Variants in RFX5 observed in about 807,000 individuals in gnomAD.
The protein encoded by RFX5 is DNA-binding protein RFX5.
RFX5 carries 30 observed loss-of-function variants against 41.2 expected under a neutral mutation model. The ratio of observed to expected loss-of-function variants is 0.73; its 90% CI spans 0.54 to 0.99. The LOEUF is 0.99. RFX5 is among the 50% of genes least tolerant of loss of function. The pLI, the probability that RFX5 is intolerant of heterozygous loss-of-function variation, is 0.00. For synonymous variants in RFX5, 231 were observed against 291.8 expected, an observed-to-expected ratio of 0.79 and a Z score of 2.12; for missense variants, 715 against 773.6, an observed-to-expected ratio of 0.92 and a Z score of 0.90.
rs1650418729 is a variant in RFX5, at chr1:151,341,202, A to T, written c.*984T>A. The T allele has an allele frequency of 6.6e-6, 1 of 152,218 alleles. No homozygotes were observed. 9.4% of individuals were successfully genotyped at this position (152,218 alleles called of 1,614,324 possible). On this transcript the variant is annotated 3_prime_UTR_variant, in exon 11 of 11. Coordinates refer to ENST00000452671, the MANE Select transcript of RFX5 (RefSeq NM_001025603.2). Reference sequence around the variant, plus strand: ...GCTCCATCTCTAATATGGAGGTAGAAAAAAAGGGACTATCATCTAAATGAG... The same window carrying T: ...GCTCCATCTCTAATATGGAGGTAGATAAAAAGGGACTATCATCTAAATGAG...
intron 4 of RFX5, among the ~76,000 whole-genome samples, chr1:151,345,673 G>GCTA (rs1056160398): frequency 3.9e-5 from 6 of 151,968 alleles, no homozygotes; most frequent in Admixed American, 3.3e-4. Flanking sequence ...AGCCCTATAG[G>GCTA]CTACCATGGA....
rs756714254 is a variant in RFX5, at chr1:151,342,339, A to T, written c.1698T>A (p.Ser566Arg). The T allele has an allele frequency of 7.4e-6, 12 of 1,613,718 alleles. No homozygotes were observed. Among genetic ancestry groups the T allele is most frequent in the Non-Finnish European group, 1.0e-5 (12 of 1,179,924 alleles). Reference protein sequence around the residue: ...DKIPLVPSKVSVIKGSRSQKE... With the variant: ...DKIPLVPSKVRVIKGSRSQKE... ...TTTGGCTTCTGCTGCCCTTGATGAC[A>T]CTCACTTTTGAGGGGACCAAGGGAA... Residue 566 changes from serine (S) to arginine (R), a missense_variant, in exon 11 of 11, where the codon AGT becomes AGA. Transcript: ENST00000452671.
rs372848031 is a variant in RFX5 at position 151,343,178 on chromosome 1, G to A, written c.859C>T (p.Pro287Ser). 24 of 1,611,024 alleles carry A rather than the reference G, an allele frequency of 1.5e-5. No individual in the cohort carries two copies. The highest frequency in any genetic ancestry group is 1.9e-5 in the Non-Finnish European group (23 of 1,180,028). ...AHKKPERLAQ[P>S]PKDLEARTGA... ...GTTCGGGCTTCCAGATCCTTAGGAGGCTAAAAAGTAAAGAGAGGAACACAG... is the reference window on the plus strand; with the variant it reads ...GTTCGGGCTTCCAGATCCTTAGGAGACTAAAAAGTAAAGAGAGGAACACAG... The change falls in exon 11 of 11, where the codon CCT becomes TCT. Residue 287 changes from proline to serine, a missense_variant and splice_region_variant. Physicochemically the swap from Pro to Ser is moderately conservative, Grantham distance 74. Coordinates refer to ENST00000452671, the MANE Select transcript of RFX5 (RefSeq NM_001025603.2).
intron 8 of RFX5, 108 bp downstream of exon 8, chr1:151,344,089 A>G (rs1272947939): frequency 8.3e-7 from 1 of 1,206,188 alleles, no homozygotes; most frequent in East Asian, 2.3e-5. Flanking sequence ...CATACCTAGA[A>G]GCTATGTACA....
At chr1:151,343,568 G>T in intron 9 of RFX5, 113 bp downstream of exon 9, 1 of 1,412,450 alleles carries the variant, frequency 7.1e-7, no homozygotes. Context: ...TGTCTTAGAA[G>T]GGTCTCCAGG....
rs778736083 is a variant in RFX5 at position 151,342,958 on chromosome 1, A to G, written c.1079T>C (p.Leu360Pro). ...ILAPRLSSGA[L>P]KVATLPLSSR... Reference sequence around the variant, plus strand: ...AGACAGAGGCAGTGTAGCCACTTTCAGGGCACCTGAAGAAAGCCTGGGGGC... The same window carrying G: ...AGACAGAGGCAGTGTAGCCACTTTCGGGGCACCTGAAGAAAGCCTGGGGGC... Residue 360 changes from leucine to proline, a missense_variant, in exon 11 of 11, where the codon CTG becomes CCG. Transcript: ENST00000452671. The G allele has an allele frequency of 1.1e-5, 17 of 1,614,116 alleles. No homozygotes were observed. Among genetic ancestry groups the G allele is most frequent in the Non-Finnish European group, 1.4e-5 (17 of 1,179,994 alleles).
rs762556788 is a variant in RFX5 at position 151,343,230 on chromosome 1, G to A, written c.859-52C>T. 39 of 1,610,184 alleles carry A rather than the reference G, an allele frequency of 2.4e-5. No individual in the cohort carries two copies. The Admixed American group carries it at 3.0e-4, about 12-fold the overall frequency. ...AAGGTGTGAAGAATGAGTATTGGGG[G>A]AAACATAGACGCCAGAGGCACAGGA... On this transcript the variant is annotated intron_variant, in intron 10 of 10. Coordinates refer to ENST00000452671, the MANE Select transcript of RFX5 (RefSeq NM_001025603.2).
At position 151,341,139 on chromosome 1, in the gene RFX5, A is replaced by G. The variant is rs548164840; in HGVS notation, c.*1047T>C. 1 of 152,418 alleles carries G rather than the reference A, an allele frequency of 6.6e-6. No individual in the cohort carries two copies. Among genetic ancestry groups the G allele is most frequent in the Admixed American group, 6.5e-5 (1 of 15,304 alleles). 9.4% of individuals were successfully genotyped at this position (152,418 alleles called of 1,614,324 possible). A position where few individuals can be genotyped will look rare whatever the true frequency, so the allele number is the denominator to read the frequency against. ...GCAATAGGGTGAGAGGGAAGCAGGA[A>G]TGAGAAGACAAAAATTAAGAAACAG... On this transcript the variant is annotated 3_prime_UTR_variant, in exon 11 of 11. Coordinates refer to ENST00000452671, the MANE Select transcript of RFX5 (RefSeq NM_001025603.2).
chr1:151,343,356 C>G lies in RFX5; in HGVS notation c.844G>C (p.Glu282Gln). 6.2e-7 allele frequency: 1 copy of G among 1,613,372 alleles called. No homozygotes were observed. The highest frequency in any genetic ancestry group is 1.7e-5 in the Admixed American group (1 of 60,022). Reference protein sequence around the residue: ...NPEGGAHKKPERLAQPPKDLE... With the variant: ...NPEGGAHKKPQRLAQPPKDLE... ...GACTTCCTTACCTGGGCCAGTCTCTCTGGCTTCTTGTGGGCTCCACCCTCT... is the reference window on the plus strand; with the variant it reads ...GACTTCCTTACCTGGGCCAGTCTCTGTGGCTTCTTGTGGGCTCCACCCTCT... The change falls in exon 10 of 11, where the codon GAG becomes CAG. Residue 282 changes from glutamate (E) to glutamine (Q), a missense_variant. Physicochemically the swap from Glu to Gln is conservative, Grantham distance 29 (BLOSUM62 2). Transcript: ENST00000452671.
chr1:151,343,914 T>C, intron 8 of RFX5, 32 bp from the exon 9 acceptor site: 1 of 1,606,104 alleles, frequency 6.2e-7, no homozygotes, highest in East Asian at 2.2e-5. Flanking sequence ...CCAATCACAC[T>C]CCAAATTAAA....
Position 151,342,667 on chromosome 1 carries a change from T to A in RFX5, c.1370A>T (p.Asp457Val), listed in dbSNP as rs1209896461. The A allele has an allele frequency of 6.2e-7, 1 of 1,614,254 alleles. No individual in the cohort carries two copies. The highest frequency in any genetic ancestry group is 8.5e-7 in the Non-Finnish European group (1 of 1,180,050). ...TTTCCTTTTGGCATCACTTGCTGTA[T>A]CCTCTATATCCTGCTTTGCTGCTTT... is the stretch of plus-strand genomic sequence containing the variant. ...PAKAAKQDIE[D>V]TASDAKRKRG... Residue 457 changes from aspartate (D) to valine (V), a missense_variant, in exon 11 of 11, where the codon GAT (aspartate) becomes GTT (valine). Coordinates refer to ENST00000452671, the MANE Select transcript of RFX5 (RefSeq NM_001025603.2).
chr1:151,343,300 C>T (rs1228202968), intron 10 of RFX5, 42 bp downstream of exon 10: 1 of 1,609,136 alleles, frequency 6.2e-7, no homozygotes, highest in Non-Finnish European at 8.5e-7. Flanking sequence ...ATACTAAGCC[C>T]CCAGCCCAGG....
In RFX5 at chr1:151,342,893, T is replaced by A; in HGVS notation, c.1144A>T (p.Asn382Tyr). ...GCAGGAACAGTTGGTAAGATCATGT[T>A]AATGATGGGCACAGCTGCTGGGGGT... ...GAPPAAVPIINMILPTVPALP... is the reference protein window; with the variant it reads ...GAPPAAVPIIYMILPTVPALP... The change falls in exon 11 of 11, where the codon AAC becomes TAC. Residue 382 changes from asparagine to tyrosine, a missense_variant. Physicochemically the swap from Asn to Tyr is moderately radical, Grantham distance 143. Transcript: ENST00000452671. 4 of 1,614,204 alleles carry A rather than the reference T, an allele frequency of 2.5e-6. No individual in the cohort carries two copies. The highest frequency in any genetic ancestry group is 3.4e-6 in the Non-Finnish European group (4 of 1,180,040).
Position 151,343,872 on chromosome 1 carries a change from C to A in RFX5, c.566G>T (p.Gly189Val), listed in dbSNP as rs763597435. 13 of 1,613,238 alleles carry A rather than the reference C, an allele frequency of 8.1e-6. No individual in the cohort carries two copies. The highest frequency in any genetic ancestry group is 1.1e-5 in the Non-Finnish European group (13 of 1,179,502). Residue 189 changes from glycine (G) to valine (V), a missense_variant, in exon 9 of 11, where the codon GGC (glycine) becomes GTC (valine). Gly to Val is a moderately radical substitution (Grantham distance 109). Transcript: ENST00000452671. ...DLKGSESPEM[G>V]PEVTPAPRDE... is the part of the protein sequence containing the mutation. ...TCGAGGTGCTGGGGTTACTTCTGGG[C>A]CCATTTCTGGCTGAAGTGGGGAAGG...
chr1:151,346,111 T>G, intron 3 of RFX5, 94 bp downstream of exon 3: 4 of 1,551,732 alleles, frequency 2.6e-6, no homozygotes, highest in Non-Finnish European at 3.6e-6. Flanking sequence ...CCCATGCCCT[T>G]GCTGAGAGGC....
At chr1:151,343,602 C>G in intron 9 of RFX5, 79 bp downstream of exon 9, 1 of 1,510,178 alleles carries the variant, frequency 6.6e-7, no homozygotes. Flanking sequence ...TCCAAGGTGT[C>G]TCTATTCTAG....
rs1334564401 is a variant in RFX5 at position 151,340,981 on chromosome 1, T to G, written c.*1205A>C. 1 of 152,626 alleles carries G rather than the reference T, an allele frequency of 6.6e-6. No individual in the cohort carries two copies. Among genetic ancestry groups the G allele is most frequent in the Non-Finnish European group, 1.5e-5 (1 of 68,058 alleles). The allele number at this position is 152,626 out of a possible 1,614,324, so 9.5% of individuals were successfully genotyped here. On this transcript the variant is annotated 3_prime_UTR_variant, in exon 11 of 11. Coordinates refer to ENST00000452671, the MANE Select transcript of RFX5 (RefSeq NM_001025603.2). ...GGTGCCGCCTGACCACAGAACTAGC[T>G]TTTTCCGTGACATCTAACCTAAACC...
intron 6 of RFX5, 80 bp downstream of exon 6, chr1:151,344,648 T>A (rs961527750): frequency 1.9e-5 from 30 of 1,577,966 alleles, no homozygotes; most frequent in Non-Finnish European, 2.3e-5. Flanking sequence ...GCAGGCTTTA[T>A]CAAGGCAGGA....
At position 151,346,281 on chromosome 1, in the gene RFX5, C is replaced by T. The variant is rs143245407; in HGVS notation, c.40G>A (p.Gly14Arg). The change falls in exon 3 of 11, where the codon GGG (glycine) becomes AGG (arginine). Residue 14 changes from glycine (G) to arginine (R), a missense_variant. Transcript: ENST00000452671. ...DEPDAKSPKTGGRAPPGGAEA... is the reference protein window; with the variant it reads ...DEPDAKSPKTRGRAPPGGAEA... Reference sequence around the variant, plus strand: ...GCACCACCTGGGGGGGCCCTTCCCCCAGTCTTGGGGCTCTTAGCATCAGGC... The same window carrying T: ...GCACCACCTGGGGGGGCCCTTCCCCTAGTCTTGGGGCTCTTAGCATCAGGC... 154 of 1,614,046 alleles carry T rather than the reference C, an allele frequency of 9.5e-5. No individual in the cohort carries two copies. The Middle Eastern group carries it at 1.8e-3, about 19-fold the overall frequency.
Sources: allele counts gnomAD v4.1 joint callset (sites outside exome capture counted in the v4.1 genomes callset), GRCh38; gene constraint gnomAD v4.1.1; transcripts MANE v1.5; gene names NCBI Gene and HGNC (gene_info 2026-07-23, HGNC 2026-07-21).